The following ESPN variants were observed in gnomAD, a reference collection of about 807,000 sequenced individuals.
ESPN encodes espin, also known as autosomal recessive deafness type 36 protein.
In ESPN, 68 loss-of-function variants were observed where a neutral mutation model predicts 77.7. The ratio of observed to expected loss-of-function variants is 0.87; its 90% CI spans 0.72 to 1.07. ESPN has a LOEUF of 1.07. Among genes scored for constraint, ESPN ranks in the 50% least tolerant of loss-of-function variants. ESPN has a pLI of 0.00. For missense variants in ESPN, 1,060 were observed against 1,239.0 expected, an observed-to-expected ratio of 0.86 and a Z score of 2.17; for synonymous variants, 449 against 567.1, an observed-to-expected ratio of 0.79 and a Z score of 2.96.
chr1:6,439,887 T>C (rs1409698563), intron 2 of ESPN, among the ~76,000 whole-genome samples: 2 of 152,116 alleles, frequency 1.3e-5, no homozygotes, highest in African/African-American at 4.8e-5. Context: ...CACATGCCTG[T>C]AATCCCAGCT....
rs1643941439 is a variant in ESPN, at chr1:6,451,480, C to G, written c.1916-123C>G. On this transcript the variant is annotated intron_variant, in intron 8 of 12. Transcript: ENST00000645284. This position sits in a 1 kb window ranked among gnomAD's most constrained non-coding sequence, Gnocchi z 4.3. ...GACCTGGGATCTGGAGAGCTGCCCG[C>G]TGGCCCGGAGGATGGGCACCCATCC... The G allele has an allele frequency of 7.3e-7, 1 of 1,375,868 alleles. No individual in the cohort carries two copies. The highest frequency in any genetic ancestry group is 1.0e-6 in the Non-Finnish European group (1 of 991,014). 85.2% of individuals were successfully genotyped at this position (1,375,868 alleles called of 1,614,324 possible). A position where few individuals can be genotyped will look rare whatever the true frequency, so the allele number is the denominator to read the frequency against.
chr1:6,433,308 G>A (rs1290307471), intron 2 of ESPN, among the ~76,000 whole-genome samples: 1 of 151,946 alleles, frequency 6.6e-6, no homozygotes, highest in African/African-American at 2.4e-5. Flanking sequence ...GCCGGGCATG[G>A]TGGTGGGTGT....
Position 6,425,137 on chromosome 1 carries a change from TC to T in ESPN, c.186del (p.Ala63ProfsTer58). 1.3e-6 allele frequency: 2 copies of T among 1,508,420 alleles called. No homozygotes were observed. Among genetic ancestry groups the T allele is most frequent in the Non-Finnish European group, 1.8e-6 (2 of 1,136,764 alleles). 93.4% of individuals were successfully genotyped at this position (1,508,420 alleles called of 1,614,324 possible). On this transcript the variant is annotated frameshift_variant, in exon 1 of 13. Transcript: ENST00000645284. LOFTEE classifies it high-confidence loss of function. The part of the protein sequence containing the change: ...CLRFLVEEAA[L>X]PAAARARNGA... The stretch of plus-strand genomic sequence containing the variant: ...CGCTTCCTGGTGGAGGAAGCCGCCC[TC>T]CCCGCCGCGGCCCGCGCCCGCAACG...
rs1569630341 is a variant in ESPN at position 6,438,030 on chromosome 1, G to A, written c.489-2224G>A. 2.0e-5 allele frequency among the ~76,000 whole-genome samples: 3 copies of A among 152,210 alleles called. No individual in the cohort carries two copies. The East Asian group carries it at 5.8e-4, about 30-fold the overall frequency. ...TGGGTGAGCGAGGGATGAATGCGGG[G>A]TGGAGCATGTGGTTGATCTAGGGGG... On this transcript the variant is annotated intron_variant, in intron 2 of 12. Transcript: ENST00000645284.
In ESPN at chr1:6,450,399, C is replaced by G. The variant is rs544788189; in HGVS notation, c.1916-1204C>G. The G allele has an allele frequency of 3.0e-4, 277 of 912,226 alleles. 1 individual carries two copies. The South Asian group carries it at 3.2e-3, about 10-fold the overall frequency. 56.5% of individuals were successfully genotyped at this position (912,226 alleles called of 1,614,324 possible). A position where few individuals can be genotyped will look rare whatever the true frequency, so the allele number is the denominator to read the frequency against. The stretch of plus-strand genomic sequence containing the variant: ...GCTGTCCCAGTCTCATCCTGCCCCC[C>G]CTCCCTCCTAACTCCGCTGTCACTT... On this transcript the variant is annotated intron_variant, in intron 8 of 12. Coordinates refer to ENST00000645284, the MANE Select transcript of ESPN (RefSeq NM_031475.3). This position sits in a 1 kb window ranked among gnomAD's most constrained non-coding sequence, Gnocchi z 4.3.
Position 6,440,982 on chromosome 1 carries a change from C to G in ESPN, c.907C>G (p.Arg303Gly), listed in dbSNP as rs980578581. ...CGGCGCGGAGCTGGACGTCCGCGAC[C>G]GCGACGGGTACACGGCCGCCGACCT... is the stretch of plus-strand genomic sequence containing the variant. Reference protein sequence around the residue: ...VNGAELDVRDRDGYTAADLSD... With the variant: ...VNGAELDVRDGDGYTAADLSD... Residue 303 changes from arginine to glycine, a missense_variant, in exon 5 of 13, where the codon CGC (arginine) becomes GGC (glycine). Arg to Gly is a moderately radical substitution (Grantham distance 125). Transcript: ENST00000645284. 5.0e-6 allele frequency: 8 copies of G among 1,606,422 alleles called. No individual in the cohort carries two copies. In the African/African-American group the frequency reaches 9.4e-5, roughly 19 times the overall value.
intron 8 of ESPN, among the ~76,000 whole-genome samples, chr1:6,449,511 C>T (rs897361712): frequency 2.4e-4 from 36 of 152,210 alleles, no homozygotes; most frequent in South Asian, 4.1e-4. Context: ...AGAGAGGCCC[C>T]GCAGCTAGCC....
chr1:6,443,607 G>A lies in ESPN; in HGVS notation c.991-874G>A, dbSNP rs932789088. Among the ~76,000 whole-genome samples the A allele has an allele frequency of 2.0e-4, 30 of 152,232 alleles. 1 individual carries two copies. The highest frequency in any genetic ancestry group is 6.5e-4 in the African/African-American group (27 of 41,456). ...CCCTCACCCAAGCAGGCCCAGCTGC[G>A]GCAGGGACAGATCCAAGCCACAGAA... is the stretch of plus-strand genomic sequence containing the variant. On this transcript the variant is annotated intron_variant, in intron 5 of 12. Coordinates refer to ENST00000645284, the MANE Select transcript of ESPN (RefSeq NM_031475.3).
Position 6,451,788 on chromosome 1 carries a change from G to T in ESPN, c.2061+40G>T. 1 of 1,610,268 alleles carries T rather than the reference G, an allele frequency of 6.2e-7. No homozygotes were observed. The highest frequency in any genetic ancestry group is 8.5e-7 in the Non-Finnish European group (1 of 1,179,090). The stretch of plus-strand genomic sequence containing the variant: ...CAGGAGCCTGCGACCCGGCTTCCCT[G>T]GCCCTAGGCCACCGGGCGCTCAGCC... On this transcript the variant is annotated intron_variant, in intron 9 of 12. Transcript: ENST00000645284. The surrounding 1 kb of genome is among the most constrained non-coding windows in gnomAD (Gnocchi z 4.3).
In ESPN at chr1:6,454,156, C is replaced by T. The variant is rs370900395; in HGVS notation, c.2325+2060C>T. ...AACAAGCCAGGCATGGAGACCCCGT[C>T]TGCTGGCCTGTTCTTGCCGCCGCAG... On this transcript the variant is annotated intron_variant, in intron 10 of 12. Transcript: ENST00000645284. 6.5e-3 allele frequency among the ~76,000 whole-genome samples: 987 copies of T among 152,346 alleles called. 15 individuals carry two copies. The highest frequency in any genetic ancestry group is 0.043 in the South Asian group (207 of 4,832).
chr1:6,457,585 T>A (rs1188275013), intron 12 of ESPN, among the ~76,000 whole-genome samples: 1 of 152,198 alleles, frequency 6.6e-6, no homozygotes, highest in Non-Finnish European at 1.5e-5. Flanking sequence ...TAACCTGGCC[T>A]TTTCTACCCT....
chr1:6,458,959 G>T (rs1295107299), intron 12 of ESPN, among the ~76,000 whole-genome samples: 2 of 150,642 alleles, frequency 1.3e-5, no homozygotes, highest in Non-Finnish European at 3.0e-5. Context: ...TAGCTGGGCG[G>T]GCTGGGCTCG....
intron 10 of ESPN, among the ~76,000 whole-genome samples, chr1:6,452,763 C>T (rs1643971998): frequency 2.0e-5 from 3 of 152,248 alleles, no homozygotes; most frequent in Admixed American, 1.3e-4. Context: ...TGTGCTGCCG[C>T]CTTCCAGCTG....
chr1:6,432,075 A>C (rs1478805948), intron 2 of ESPN, among the ~76,000 whole-genome samples: 2 of 152,142 alleles, frequency 1.3e-5, no homozygotes, highest in African/African-American at 4.8e-5. Flanking sequence ...AGTCCACCGG[A>C]GACTTCCCCT....
At chr1:6,454,491 CACA>C (rs1032957273) in intron 10 of ESPN, 2 of 398,914 alleles carry the variant, frequency 5.0e-6, no homozygotes, top group Admixed American at 4.4e-5. Flanking sequence ...CTCCCGCGAG[CACA>C]ACGCCATCCT....
At position 6,451,832 on chromosome 1, in the gene ESPN, G is replaced by T. The variant is rs1392218400; in HGVS notation, c.2062-1G>T. 1.9e-6 allele frequency: 3 copies of T among 1,611,158 alleles called. No homozygotes were observed. In the Admixed American group the frequency reaches 5.0e-5, roughly 27 times the overall value. On this transcript the variant is annotated splice_acceptor_variant, in intron 9 of 12. Coordinates refer to ENST00000645284, the MANE Select transcript of ESPN (RefSeq NM_031475.3). LOFTEE classifies it high-confidence loss of function. The surrounding 1 kb of genome is among the most constrained non-coding windows in gnomAD (Gnocchi z 4.3). ...CTCAGCCCCACCGCTTCTCCCTGCA[G>T]CCCGATTCGCCGCTGCCTTCTGTGT...
rs770028513 is a variant in ESPN at position 6,449,088 on chromosome 1, G to T, written c.1912G>T (p.Gly638Cys). 6.7e-7 allele frequency: 1 copy of T among 1,483,872 alleles called. No homozygotes were observed. The highest frequency in any genetic ancestry group is 1.3e-5 in the South Asian group (1 of 78,486). 91.9% of individuals were successfully genotyped at this position (1,483,872 alleles called of 1,614,324 possible). A position where few individuals can be genotyped will look rare whatever the true frequency, so the allele number is the denominator to read the frequency against. ...CGQRRSSSST[G>C]STKSFNMMSP... ...GCAGCGCCGCTCCTCCTCGTCCACC[G>T]GCAGTGAGTAGGGGCAGGTTGAGGG... Residue 638 changes from glycine to cysteine, a missense_variant, in exon 8 of 13, where the codon GGC becomes TGC. Transcript: ENST00000645284.
chr1:6,459,909 C>T (rs1644126863), intron 12 of ESPN, 90 bp from the exon 13 acceptor site: 1 of 1,553,176 alleles, frequency 6.4e-7, no homozygotes, highest in East Asian at 2.3e-5. Context: ...GTGACCTGGC[C>T]TCTGCCTGGT....
At chr1:6,455,702 G>T (rs1644043010) in intron 10 of ESPN, 2 of 399,132 alleles carry the variant, frequency 5.0e-6, no homozygotes, top group East Asian at 7.1e-5. Flanking sequence ...AGGAGCGCAA[G>T]TTCCGCCACC....
Sources: allele counts gnomAD v4.1 joint callset (sites outside exome capture counted in the v4.1 genomes callset), GRCh38; gene constraint gnomAD v4.1.1; non-coding constraint Gnocchi (gnomAD v3.1); transcripts MANE v1.5; gene names NCBI Gene and HGNC (gene_info 2026-07-23, HGNC 2026-07-21).